The following TSN variants were observed in gnomAD, a reference collection of about 807,000 sequenced individuals.
TSN encodes the protein translin, also known as component 3 of promoter of RISC.
TSN carries 5 observed loss-of-function variants against 29.4 expected under a neutral mutation model. The observed-to-expected ratio is 0.17, with a 90% CI of 0.09 to 0.36. TSN has a LOEUF of 0.36. TSN is among the 10% of genes least tolerant of loss of function. The probability of loss-of-function intolerance (pLI) is 1.00; values close to 1 mark genes in which losing one functional copy is unlikely to be tolerated. For missense variants in TSN, 159 were observed against 272.8 expected, an observed-to-expected ratio of 0.58 and a Z score of 2.94; for synonymous variants, 106 against 102.2, an observed-to-expected ratio of 1.04 and a Z score of -0.23.
rs529495667 is a variant in TSN, at chr2:121,766,225, G to A, written c.*858G>A. 23 of 152,312 alleles carry A rather than the reference G, an allele frequency of 1.5e-4. No individual in the cohort carries two copies. Among genetic ancestry groups the A allele is most frequent in the African/African-American group, 4.8e-4 (20 of 41,570 alleles). The allele number at this position is 152,312 out of a possible 1,614,324, so 9.4% of individuals were successfully genotyped here. ...GTTCTGGGAGTATAAAGCCACCCACGTAAGTTAATAAGCAAAATCCTGACT... is the reference window on the plus strand; with the variant it reads ...GTTCTGGGAGTATAAAGCCACCCACATAAGTTAATAAGCAAAATCCTGACT... On this transcript the variant is annotated 3_prime_UTR_variant, in exon 6 of 6. Transcript: ENST00000389682.
intron 2 of TSN, 81 bp from the exon 3 acceptor site, chr2:121,758,629 A>G (rs886444602): frequency 1.0e-5 from 11 of 1,058,850 alleles, no homozygotes; most frequent in African/African-American, 1.6e-5. Context: ...ATTAATTTCC[A>G]GATAGATTAC....
intron 3 of TSN, among the ~76,000 whole-genome samples, chr2:121,761,062 G>A (rs1207653617): frequency 1.3e-5 from 2 of 151,860 alleles, no homozygotes; most frequent in Non-Finnish European, 2.9e-5. Flanking sequence ...TAGAGAGGGG[G>A]TTTTGCCATG....
rs2074739997 is a variant in TSN, at chr2:121,755,962, C to T, written c.66+117C>T. On this transcript the variant is annotated intron_variant, in intron 1 of 5. Transcript: ENST00000389682. ...TGGGGACGCCTCCGAGGGTGGGTTG[C>T]TTCCCCTCTAGCTTTAGGTTAGGCA... 4.5e-6 allele frequency: 7 copies of T among 1,543,848 alleles called. No individual in the cohort carries two copies. The South Asian group carries it at 5.8e-5, about 13-fold the overall frequency.
At position 121,767,072 on chromosome 2, in the gene TSN, T is replaced by C. The variant is rs1454844339; in HGVS notation, c.*1705T>C. On this transcript the variant is annotated 3_prime_UTR_variant, in exon 6 of 6. Transcript: ENST00000389682. ...CCACAGACAATACGTTTGATAATAG[T>C]TTTTTCTTTTAACCTCTTTAAGTAT... The C allele has an allele frequency of 6.6e-6, 1 of 152,186 alleles. No homozygotes were observed. 9.4% of individuals were successfully genotyped at this position (152,186 alleles called of 1,614,324 possible).
intron 1 of TSN, 152 bp from the exon 2 acceptor site, chr2:121,757,088 G>A (rs1034028394): frequency 1.5e-6 from 1 of 681,268 alleles, no homozygotes; most frequent in Non-Finnish European, 2.4e-6. Flanking sequence ...AGGCTTTTTA[G>A]TGACTTTTTG....
chr2:121,760,740 A>G (rs529533596), intron 3 of TSN, among the ~76,000 whole-genome samples: 1 of 152,294 alleles, frequency 6.6e-6, no homozygotes, highest in Admixed American at 6.5e-5. Flanking sequence ...GATGATACAT[A>G]ACTGCAGTTG....
chr2:121,756,003 C>G, intron 1 of TSN, 158 bp downstream of exon 1: 1 of 1,441,938 alleles, frequency 6.9e-7, no homozygotes, highest in Non-Finnish European at 9.2e-7. Flanking sequence ...CGCCCCCGCC[C>G]AAAATTTTGC....
intron 1 of TSN, chr2:121,756,156 A>AT (rs1445151936): frequency 4.5e-6 from 2 of 448,082 alleles, no homozygotes; most frequent in Non-Finnish European, 8.1e-6. Flanking sequence ...CGTTTCGTGT[A>AT]TTTTTGTTGG....
rs937371929 is a variant in TSN, at chr2:121,755,907, G to A, written c.66+62G>A. ...CATGCCTAGTTGGGCCACTTCGCCC[G>A]GCCCTCCTCTGTCGCTCAGTCTCGG... is the stretch of plus-strand genomic sequence containing the variant. On this transcript the variant is annotated intron_variant, in intron 1 of 5. Transcript: ENST00000389682. The A allele has an allele frequency of 3.7e-6, 6 of 1,608,242 alleles. 1 individual carries two copies. In the Admixed American group the frequency reaches 6.7e-5, roughly 18 times the overall value.
At chr2:121,760,319 C>A (rs185596952) in intron 3 of TSN, among the ~76,000 whole-genome samples, 2 of 152,210 alleles carry the variant, frequency 1.3e-5, no homozygotes, top group Non-Finnish European at 2.9e-5. Flanking sequence ...ATCCGCCCCC[C>A]TTCTGTGGAA....
Position 121,755,681 on chromosome 2 carries a change from G to A in TSN, c.-99G>A. 2.7e-6 allele frequency: 4 copies of A among 1,500,538 alleles called. No homozygotes were observed. Among genetic ancestry groups the A allele is most frequent in the Non-Finnish European group, 3.7e-6 (4 of 1,095,396 alleles). 93.0% of individuals were successfully genotyped at this position (1,500,538 alleles called of 1,614,324 possible). ...TGGCGTAAGACCGGGGGGACGCGGC[G>A]GTAGCGGCGGCCGTTGCGATTGATT... On this transcript the variant is annotated 5_prime_UTR_variant, in exon 1 of 6. Coordinates refer to ENST00000389682, the MANE Select transcript of TSN (RefSeq NM_004622.3).
chr2:121,761,307 GA>G (rs1223467712), intron 3 of TSN, 101 bp from the exon 4 acceptor site: 6 of 763,278 alleles, frequency 7.9e-6, no homozygotes, highest in Non-Finnish European at 1.4e-5. Context: ...GATTTTATTT[GA>G]AAAATGATCG....
In TSN at chr2:121,755,816, T is replaced by G; in HGVS notation, c.37T>G (p.Phe13Val). The G allele has an allele frequency of 1.9e-6, 3 of 1,613,922 alleles. No individual in the cohort carries two copies. The South Asian group carries it at 3.3e-5, about 18-fold the overall frequency. The change falls in exon 1 of 6, where the codon TTT (phenylalanine) becomes GTT (valine). Residue 13 changes from phenylalanine (F) to valine (V), a missense_variant. Transcript: ENST00000389682. ...VSEIFVELQGFLAAEQDIREE... is the reference protein window; with the variant it reads ...VSEIFVELQGVLAAEQDIREE... ...CGAGATCTTCGTGGAGCTGCAGGGC[T>G]TTTTGGCTGCCGAGCAGGACATCCG...
intron 1 of TSN, chr2:121,756,665 G>A (rs1217773007): frequency 1.5e-6 from 2 of 1,291,548 alleles, no homozygotes; most frequent in South Asian, 2.5e-5. Flanking sequence ...AGCATTTTGG[G>A]AGGCCGAGGC....
At chr2:121,757,466 A>C (rs1456550830) in intron 2 of TSN, 133 bp downstream of exon 2, 54 of 1,529,614 alleles carry the variant, frequency 3.5e-5, no homozygotes, top group Non-Finnish European at 4.7e-5. Context: ...AGGTGATTTG[A>C]TAATTTTGGT....
intron 5 of TSN, among the ~76,000 whole-genome samples, chr2:121,763,394 C>T (rs2074859093): frequency 6.6e-6 from 1 of 152,180 alleles, no homozygotes; most frequent in Non-Finnish European, 1.5e-5. Flanking sequence ...ATCCGCCCAC[C>T]TTGGCCTCCC....
intron 4 of TSN, 111 bp downstream of exon 4, chr2:121,761,635 C>G (rs1478709544): frequency 2.5e-6 from 2 of 808,710 alleles, no homozygotes; most frequent in Admixed American, 2.0e-5. Context: ...AACTAAAAAC[C>G]ACTTATAGTT....
At chr2:121,757,855 G>A (rs1475254599) in intron 2 of TSN, among the ~76,000 whole-genome samples, 1 of 151,640 alleles carries the variant, frequency 6.6e-6, no homozygotes, top group African/African-American at 2.4e-5. Flanking sequence ...TATTAGAGAT[G>A]GGGTTTCACT....
chr2:121,757,521 T>G, intron 2 of TSN, 188 bp downstream of exon 2: 1 of 1,166,378 alleles, frequency 8.6e-7, no homozygotes, highest in Non-Finnish European at 1.2e-6. Flanking sequence ...AACAGAGATG[T>G]TTTCTATTGC....
Sources: allele counts gnomAD v4.1 joint callset (sites outside exome capture counted in the v4.1 genomes callset), GRCh38; gene constraint gnomAD v4.1.1; transcripts MANE v1.5; gene names NCBI Gene and HGNC (gene_info 2026-07-23, HGNC 2026-07-21).